SEC22C: variants seen among roughly 807,000 people sequenced by gnomAD.
SEC22C encodes vesicle-trafficking protein SEC22c.
In SEC22C, 29 loss-of-function variants were observed where a neutral mutation model predicts 34.7. The ratio of observed to expected loss-of-function variants is 0.84; its 90% CI spans 0.62 to 1.14. The LOEUF is 1.14. SEC22C is among the 50% of genes most tolerant of loss of function. The probability of loss-of-function intolerance (pLI) is 0.00; values close to 1 mark genes in which losing one functional copy is unlikely to be tolerated. For synonymous variants in SEC22C, 117 were observed against 132.8 expected, an observed-to-expected ratio of 0.88 and a Z score of 0.82; for missense variants, 337 against 369.0, an observed-to-expected ratio of 0.91 and a Z score of 0.71.
At chr3:42,571,184 G>A (rs932120713) in intron 1 of SEC22C, among the ~76,000 whole-genome samples, 13 of 152,146 alleles carry the variant, frequency 8.5e-5, no homozygotes, top group South Asian at 6.2e-4. Flanking sequence ...ATTTCCAAGC[G>A]ATGGTAATCA....
At chr3:42,561,562 G>GT (rs1280060919) in intron 3 of SEC22C, among the ~76,000 whole-genome samples, 2 of 151,974 alleles carry the variant, frequency 1.3e-5, no homozygotes, top group African/African-American at 4.8e-5. Flanking sequence ...TTTTTAAATT[G>GT]TTTTTCTGTA....
upstream of SEC22C, among the ~76,000 whole-genome samples, chr3:42,584,014 C>G (rs912829024): frequency 6.6e-6 from 1 of 152,196 alleles, no homozygotes; most frequent in African/African-American, 2.4e-5. Flanking sequence ...TGAACTGAAG[C>G]AGTCTACCAG....
chr3:42,565,788 G>T, intron 2 of SEC22C: 1 of 431,350 alleles, frequency 2.3e-6, no homozygotes, highest in South Asian at 1.7e-5. Flanking sequence ...GTGAGAGAAC[G>T]AATTCTGTTG....
chr3:42,585,320 A>C (rs1704575154), upstream of SEC22C, among the ~76,000 whole-genome samples: 1 of 152,170 alleles, frequency 6.6e-6, no homozygotes, highest in Non-Finnish European at 1.5e-5. Context: ...CTCATCTCCA[A>C]TCATTGTTCA....
Position 42,550,719 on chromosome 3 carries a change from A to C in SEC22C, c.*2529T>G. On this transcript the variant is annotated 3_prime_UTR_variant, in exon 7 of 7. Transcript: ENST00000264454. The stretch of plus-strand genomic sequence containing the variant: ...CGGTGGTCAGGAAGCATTACCAGGA[A>C]GGACTCATCTTCAAGGACCGTTTCT... The C allele has an allele frequency of 1.0e-6, 1 of 985,176 alleles. No individual in the cohort carries two copies. 61.0% of individuals were successfully genotyped at this position (985,176 alleles called of 1,614,324 possible). A position where few individuals can be genotyped will look rare whatever the true frequency, so the allele number is the denominator to read the frequency against.
chr3:42,570,001 G>A (rs1703516007), intron 1 of SEC22C, among the ~76,000 whole-genome samples: 2 of 152,162 alleles, frequency 1.3e-5, no homozygotes, highest in African/African-American at 4.8e-5. Flanking sequence ...GCTCAGATAA[G>A]TCTTTCCAAT....
In SEC22C at chr3:42,551,422, G is replaced by T; in HGVS notation, c.*1826C>A. The T allele has an allele frequency of 1.2e-6, 1 of 825,992 alleles. No homozygotes were observed. Among genetic ancestry groups the T allele is most frequent in the Non-Finnish European group, 1.5e-6 (1 of 684,718 alleles). 51.2% of individuals were successfully genotyped at this position (825,992 alleles called of 1,614,324 possible). ...AGTGGTGTGATTATAGCTCATGGAA[G>T]CCTCAAACTCCTGGACTCAAGGGAT... On this transcript the variant is annotated 3_prime_UTR_variant, in exon 7 of 7. Coordinates refer to ENST00000264454, the MANE Select transcript of SEC22C (RefSeq NM_032970.4).
At chr3:42,591,003 A>T (rs1326009278) in intron 1 of SEC22C, 1 of 1,556,344 alleles carries the variant, frequency 6.4e-7, no homozygotes, top group Non-Finnish European at 8.7e-7. Context: ...GGGCGGAGAG[A>T]AGTCGGGATC....
chr3:42,551,116 C>T lies in SEC22C; in HGVS notation c.*2132G>A. The T allele has an allele frequency of 1.0e-6, 1 of 984,864 alleles. No individual in the cohort carries two copies. Among genetic ancestry groups the T allele is most frequent in the Non-Finnish European group, 1.2e-6 (1 of 829,454 alleles). The allele number at this position is 984,864 out of a possible 1,614,324, so 61.0% of individuals were successfully genotyped here. ...TCTCTTGACCTCGTGATCTGCCCACCTCAGCTTCCCAAAGTGTTATTGACT... is the reference window on the plus strand; with the variant it reads ...TCTCTTGACCTCGTGATCTGCCCACTTCAGCTTCCCAAAGTGTTATTGACT... On this transcript the variant is annotated 3_prime_UTR_variant, in exon 7 of 7. Transcript: ENST00000264454.
rs368281842 is a variant in SEC22C, at chr3:42,590,780, T to G, written c.-28+10180A>C. ...TAGCTCTTGCGCGTCCAGTCACAAA[T>G]GACGTCCCTTCTGTACCCCGCCCTG... On this transcript the variant is annotated intron_variant, in intron 1 of 6. Transcript: ENST00000417572. 5 of 1,040,812 alleles carry G rather than the reference T, an allele frequency of 4.8e-6. No individual in the cohort carries two copies. The East Asian group carries it at 7.1e-5, about 15-fold the overall frequency. 64.5% of individuals were successfully genotyped at this position (1,040,812 alleles called of 1,614,324 possible).
At chr3:42,589,578 G>T (rs941501585) in intron 1 of SEC22C, among the ~76,000 whole-genome samples, 1 of 152,230 alleles carries the variant, frequency 6.6e-6, no homozygotes, top group Non-Finnish European at 1.5e-5. Context: ...CATTACCGCC[G>T]AGCATTCTGC....
chr3:42,590,927 G>C, intron 1 of SEC22C: 1 of 1,613,444 alleles, frequency 6.2e-7, no homozygotes, highest in Non-Finnish European at 8.5e-7. Flanking sequence ...CGGACTGGCT[G>C]AGGGGCAAGG....
chr3:42,565,852 T>C (rs1703206247), intron 2 of SEC22C: 2 of 453,910 alleles, frequency 4.4e-6, no homozygotes, highest in South Asian at 1.6e-5. Flanking sequence ...ACTAACACAC[T>C]CCTTACTATT....
At chr3:42,590,796 C>T in intron 1 of SEC22C, 3 of 1,212,318 alleles carry the variant, frequency 2.5e-6, no homozygotes, top group Non-Finnish European at 3.7e-6. Context: ...CCCTTCTGTA[C>T]CCCGCCCTGT....
At chr3:42,563,922 T>G (rs1703082630) in intron 2 of SEC22C, 1 of 1,400,358 alleles carries the variant, frequency 7.1e-7, no homozygotes, top group Admixed American at 2.1e-5. Flanking sequence ...CACTCTTATT[T>G]ATTCATGCAT....
rs923837768 is a variant in SEC22C at position 42,552,884 on chromosome 3, CA to C, written c.*363del. 9 of 1,043,730 alleles carry C rather than the reference CA, an allele frequency of 8.6e-6. No individual in the cohort carries two copies. In the African/African-American group the frequency reaches 1.5e-4, roughly 18 times the overall value. 64.7% of individuals were successfully genotyped at this position (1,043,730 alleles called of 1,614,324 possible). On this transcript the variant is annotated 3_prime_UTR_variant, in exon 7 of 7. Coordinates refer to ENST00000264454, the MANE Select transcript of SEC22C (RefSeq NM_032970.4). ...AAAGTGGTTCCTTGGAGACAACTCT[CA>C]ATGACTAAAACCAGTGTTATTGAAT...
intron 1 of SEC22C, chr3:42,590,971 GCATC>G (rs1559536383): frequency 2.4e-6 from 1 of 409,290 alleles, no homozygotes; most frequent in Non-Finnish European, 5.0e-6. Context: ...CAGCGGGTGA[GCATC>G]CACGCGGGCG....
chr3:42,572,660 G>A (rs1324282291), intron 1 of SEC22C, among the ~76,000 whole-genome samples: 2 of 152,158 alleles, frequency 1.3e-5, no homozygotes, highest in African/African-American at 4.8e-5. Context: ...TTCCCCTGCT[G>A]GAGTGGTGTT....
intron 1 of SEC22C, among the ~76,000 whole-genome samples, chr3:42,599,647 C>G (rs1466734978): frequency 6.6e-6 from 1 of 151,022 alleles, no homozygotes; most frequent in African/African-American, 2.4e-5. Flanking sequence ...AGCCGAGATC[C>G]CGCCACTGCA....
Sources: gnomAD v4.1 joint callset for allele counts (sites outside exome capture counted in the v4.1 genomes callset) on GRCh38, gnomAD v4.1.1 for gene constraint, MANE v1.5 for transcripts, NCBI Gene and HGNC (gene_info 2026-07-23, HGNC 2026-07-21) for gene names.